The following UNC13C variants were observed in gnomAD, a reference collection of about 807,000 sequenced individuals.
UNC13C encodes protein unc-13 homolog C.
Under a neutral mutation model 245.4 loss-of-function variants are expected in UNC13C, and 174 were observed. That is an observed-to-expected ratio of 0.71 (90% CI 0.63 to 0.80). UNC13C has a LOEUF of 0.80. UNC13C is among the 30% of genes least tolerant of loss of function. The probability of loss-of-function intolerance (pLI) is 0.00; values close to 1 mark genes in which losing one functional copy is unlikely to be tolerated. For missense variants in UNC13C, 2,829 were observed against 2,602.9 expected, an observed-to-expected ratio of 1.09 and a Z score of -1.89; for synonymous variants, 992 against 895.1, an observed-to-expected ratio of 1.11 and a Z score of -1.93.
chr15:54,253,099 A>G (rs1286589586), intron 8 of UNC13C, among the ~76,000 whole-genome samples: 1 of 152,202 alleles, frequency 6.6e-6, no homozygotes, highest in Non-Finnish European at 1.5e-5. Flanking sequence ...CTATCAACAC[A>G]CACATGCTAA....
intron 30 of UNC13C, among the ~76,000 whole-genome samples, chr15:54,617,717 C>G (rs1358782984): frequency 1.3e-5 from 2 of 152,070 alleles, no homozygotes; most frequent in Non-Finnish European, 2.9e-5. Context: ...GTAAAAAAAG[C>G]TTAAGTCATT....
intron 2 of UNC13C, among the ~76,000 whole-genome samples, chr15:54,032,415 G>A (rs541393242): frequency 6.6e-6 from 1 of 152,252 alleles, no homozygotes; most frequent in East Asian, 1.9e-4. Context: ...ACCTTCCTGG[G>A]TGCCTTCATT....
intron 19 of UNC13C, among the ~76,000 whole-genome samples, chr15:54,454,110 A>C (rs1208670257): frequency 6.8e-6 from 1 of 147,420 alleles, no homozygotes; most frequent in East Asian, 2.0e-4. Context: ...ATTCTTTTTT[A>C]TAATTTTTAT....
chr15:54,341,890 G>A (rs55930760), intron 17 of UNC13C, among the ~76,000 whole-genome samples: 37,621 of 151,342 alleles, frequency 0.25, 5,084 homozygotes, highest in Admixed American at 0.34. Flanking sequence ...GCAGGAGAAT[G>A]GTGTGAACCC....
chr15:54,372,496 ATAAC>A (rs2039510109), intron 17 of UNC13C, among the ~76,000 whole-genome samples: 4 of 152,208 alleles, frequency 2.6e-5, no homozygotes, highest in Non-Finnish European at 5.9e-5. Context: ...GTCTCCAAAA[ATAAC>A]CACACTCTTG....
At chr15:54,457,892 G>GTTTTTTTTTTTTTTTTCTTTTTTTTTTT (rs34133938) in intron 19 of UNC13C, among the ~76,000 whole-genome samples, 1 of 122,992 alleles carries the variant, frequency 8.1e-6, no homozygotes, top group African/African-American at 3.1e-5. Context: ...TCTGCTTTTC[G>GTTTTTTTTTTTTTTTTCTTTTTTTTTTT]TTTTTTTTTT....
At chr15:54,362,310 C>T (rs2039251726) in intron 17 of UNC13C, among the ~76,000 whole-genome samples, 1 of 152,194 alleles carries the variant, frequency 6.6e-6, no homozygotes, top group Non-Finnish European at 1.5e-5. Context: ...CCTCTCACCT[C>T]AGAACCCACA....
At chr15:54,133,539 T>G (rs2031553188) in intron 2 of UNC13C, among the ~76,000 whole-genome samples, 1 of 152,198 alleles carries the variant, frequency 6.6e-6, no homozygotes, top group Non-Finnish European at 1.5e-5. Context: ...TAGATGGATG[T>G]ACTGTGGTCT....
the UNC13C span, among the ~76,000 whole-genome samples, chr15:53,955,097 CCAT>C: frequency 6.6e-6 from 1 of 152,100 alleles, no homozygotes; most frequent in Non-Finnish European, 1.5e-5. Context: ...CAGAATAGTG[CCAT>C]TAAGTGCAAA....
At chr15:54,073,329 C>G (rs1212897198) in intron 2 of UNC13C, among the ~76,000 whole-genome samples, 3 of 152,128 alleles carry the variant, frequency 2.0e-5, no homozygotes, top group Non-Finnish European at 4.4e-5. Context: ...GTGAACAGTG[C>G]TGCAATACAT....
chr15:54,063,440 A>C (rs895370414), intron 2 of UNC13C, among the ~76,000 whole-genome samples: 1 of 152,076 alleles, frequency 6.6e-6, no homozygotes, highest in East Asian at 1.9e-4. Context: ...GCCAAAGCCA[A>C]TACCAACTGT....
At chr15:53,903,009 C>A in the UNC13C span, among the ~76,000 whole-genome samples, 2 of 152,094 alleles carry the variant, frequency 1.3e-5, no homozygotes, top group Non-Finnish European at 2.9e-5. Flanking sequence ...TTGGAAGATG[C>A]CAGTGATGAT....
the UNC13C span, among the ~76,000 whole-genome samples, chr15:53,902,673 A>T: frequency 2.0e-5 from 3 of 152,180 alleles, no homozygotes; most frequent in Non-Finnish European, 4.4e-5. Flanking sequence ...AAGGGGGTAT[A>T]TAATTCATTG....
the UNC13C span, among the ~76,000 whole-genome samples, chr15:53,950,347 T>C: frequency 6.6e-6 from 1 of 152,194 alleles, no homozygotes; most frequent in Non-Finnish European, 1.5e-5. Flanking sequence ...ATCTTCATTT[T>C]TATTTTTTCT....
the UNC13C span, among the ~76,000 whole-genome samples, chr15:53,880,375 A>G: frequency 6.6e-6 from 1 of 152,344 alleles, no homozygotes; most frequent in East Asian, 1.9e-4. Flanking sequence ...ATTTCAAAGA[A>G]GTTAACTTGT....
chr15:54,577,231 T>G (rs1335563733), intron 30 of UNC13C, among the ~76,000 whole-genome samples: 1 of 152,076 alleles, frequency 6.6e-6, no homozygotes, highest in African/African-American at 2.4e-5. Flanking sequence ...CTTGAAATCA[T>G]GATGTTTTAT....
intron 19 of UNC13C, among the ~76,000 whole-genome samples, chr15:54,479,274 A>G (rs909168428): frequency 3.3e-5 from 5 of 152,058 alleles, no homozygotes; most frequent in Admixed American, 3.3e-4. Context: ...TTGGGTGCAT[A>G]TATATTTATG....
intron 18 of UNC13C, among the ~76,000 whole-genome samples, chr15:54,395,749 A>C (rs1342777161): frequency 6.6e-6 from 1 of 151,790 alleles, no homozygotes; most frequent in Non-Finnish European, 1.5e-5. Context: ...GCTTACTCAA[A>C]TTTGATAACA....
chr15:54,333,383 T>C (rs2038491754), intron 15 of UNC13C, among the ~76,000 whole-genome samples: 1 of 152,056 alleles, frequency 6.6e-6, no homozygotes, highest in African/African-American at 2.4e-5. Context: ...ATTTCCGAAG[T>C]ATTTTTTAAA....
Sources: allele counts gnomAD v4.1 joint callset (sites outside exome capture counted in the v4.1 genomes callset), GRCh38; gene constraint gnomAD v4.1.1; transcripts MANE v1.5; gene names NCBI Gene and HGNC (gene_info 2026-07-23, HGNC 2026-07-21).